The following GLTP variants were observed in gnomAD, a reference collection of about 807,000 sequenced individuals.
GLTP encodes glycolipid transfer protein.
A neutral mutation model predicts 24.0 loss-of-function variants in GLTP; 22 were observed. That is an observed-to-expected ratio of 0.92 (90% CI 0.65 to 1.31). The LOEUF (loss-of-function observed/expected upper bound fraction) is 1.31. GLTP is among the 50% of genes most tolerant of loss of function. The pLI is 0.00. For synonymous variants in GLTP, 92 were observed against 115.9 expected, an observed-to-expected ratio of 0.79 and a Z score of 1.33; for missense variants, 224 against 276.6, an observed-to-expected ratio of 0.81 and a Z score of 1.35.
At chr12:109,876,931 C>A (rs1041766154) in intron 1 of GLTP, among the ~76,000 whole-genome samples, 4 of 152,194 alleles carry the variant, frequency 2.6e-5, no homozygotes, top group African/African-American at 9.6e-5. Flanking sequence ...CAGCTCACTG[C>A]AACTTAGGCG....
intron 4 of GLTP, among the ~76,000 whole-genome samples, chr12:109,854,124 G>A (rs1208221922): frequency 4.0e-5 from 6 of 151,846 alleles, no homozygotes; most frequent in Non-Finnish European, 8.8e-5. Context: ...TTGGGAGGCC[G>A]AGGTGGGAGG....
At position 109,852,405 on chromosome 12, in the gene GLTP, A is replaced by C; in HGVS notation, c.*150T>G. ...AAAAAAAAAAAAGACTTAAAAAACG[A>C]GGGCTGTCCCCTGCAGACTCTGGCA... On this transcript the variant is annotated 3_prime_UTR_variant, in exon 5 of 5. Transcript: ENST00000318348. 2 of 519,450 alleles carry C rather than the reference A, an allele frequency of 3.9e-6. No individual in the cohort carries two copies. The highest frequency in any genetic ancestry group is 6.9e-6 in the Non-Finnish European group (2 of 290,048). The allele number at this position is 519,450 out of a possible 1,614,324, so 32.2% of individuals were successfully genotyped here.
intron 1 of GLTP, among the ~76,000 whole-genome samples, chr12:109,863,185 G>A (rs1278240486): frequency 1.3e-5 from 2 of 152,014 alleles, no homozygotes; most frequent in Admixed American, 6.6e-5. Context: ...AGGTGTATGA[G>A]TACTATTTGC....
chr12:109,872,931 A>G (rs1868768657), intron 1 of GLTP, among the ~76,000 whole-genome samples: 1 of 152,220 alleles, frequency 6.6e-6, no homozygotes, highest in African/African-American at 2.4e-5. Context: ...CAACCCGCAG[A>G]CCGCAGGCTG....
chr12:109,865,307 ATTC>A (rs1231563220), intron 1 of GLTP, among the ~76,000 whole-genome samples: 5 of 151,914 alleles, frequency 3.3e-5, no homozygotes, highest in African/African-American at 7.3e-5. Context: ...TTTTTTATTT[ATTC>A]TTCTTCTTCT....
At chr12:109,877,668 G>A (rs189119895) in intron 1 of GLTP, among the ~76,000 whole-genome samples, 52 of 152,256 alleles carry the variant, frequency 3.4e-4, no homozygotes, top group Middle Eastern at 6.8e-3. Flanking sequence ...GCTGCAAGGC[G>A]TTTCACACTC....
chr12:109,858,157 C>G, intron 2 of GLTP: 2 of 457,424 alleles, frequency 4.4e-6, no homozygotes, highest in South Asian at 3.1e-5. Context: ...TGACCTTAAG[C>G]GAGTCCTTCA....
At chr12:109,867,817 G>A (rs1364504638) in intron 1 of GLTP, among the ~76,000 whole-genome samples, 8 of 140,944 alleles carry the variant, frequency 5.7e-5, no homozygotes, top group African/African-American at 1.9e-4. Flanking sequence ...TCGCTCTGTC[G>A]CCCAGGCTGG....
intron 1 of GLTP, among the ~76,000 whole-genome samples, chr12:109,859,379 C>T (rs915831037): frequency 1.1e-4 from 16 of 152,092 alleles, no homozygotes; most frequent in Admixed American, 4.6e-4. Context: ...ATTAGCTGGG[C>T]GTGGTGGCTT....
chr12:109,855,840 T>G lies in GLTP; in HGVS notation c.297-71A>C. 1 of 1,311,036 alleles carries G rather than the reference T, an allele frequency of 7.6e-7. No homozygotes were observed. 81.2% of individuals were successfully genotyped at this position (1,311,036 alleles called of 1,614,324 possible). A position where few individuals can be genotyped will look rare whatever the true frequency, so the allele number is the denominator to read the frequency against. Reference sequence around the variant, plus strand: ...TGTCGTGAAAGACCCTGATGGACTCTGAATTTGCCACCTACTGTGAGCCAG... The same window carrying G: ...TGTCGTGAAAGACCCTGATGGACTCGGAATTTGCCACCTACTGTGAGCCAG... On this transcript the variant is annotated intron_variant, in intron 3 of 4. Transcript: ENST00000318348. This position sits in a 1 kb window ranked among gnomAD's most constrained non-coding sequence, Gnocchi z 4.1.
intron 1 of GLTP, among the ~76,000 whole-genome samples, chr12:109,861,926 T>A (rs1868377549): frequency 6.6e-6 from 1 of 152,192 alleles, no homozygotes; most frequent in Non-Finnish European, 1.5e-5. Context: ...CGAGTGGGAC[T>A]CATCCTTGAC....
At chr12:109,877,902 A>G (rs1868937067) in intron 1 of GLTP, among the ~76,000 whole-genome samples, 1 of 152,244 alleles carries the variant, frequency 6.6e-6, no homozygotes, top group Non-Finnish European at 1.5e-5. Flanking sequence ...GAAGAGAATA[A>G]TGGTTCAAAC....
At position 109,851,891 on chromosome 12, in the gene GLTP, A is replaced by G. The variant is rs1212634195; in HGVS notation, c.*664T>C. On this transcript the variant is annotated 3_prime_UTR_variant, in exon 5 of 5. Coordinates refer to ENST00000318348, the MANE Select transcript of GLTP (RefSeq NM_016433.4). ...AGACAGAGTTTCGCTCTTGTTGCCC[A>G]GGCTGGAGTGCAATGGTGCGATCTC... 1.4e-5 allele frequency: 2 copies of G among 146,752 alleles called. No individual in the cohort carries two copies. Among genetic ancestry groups the G allele is most frequent in the African/African-American group, 5.1e-5 (2 of 39,008 alleles). The allele number at this position is 146,752 out of a possible 1,614,324, so 9.1% of individuals were successfully genotyped here.
rs144730245 is a variant in GLTP, at chr12:109,857,004, A to AG, written c.296+521dup. On this transcript the variant is annotated intron_variant, in intron 3 of 4. Coordinates refer to ENST00000318348, the MANE Select transcript of GLTP (RefSeq NM_016433.4). This position sits in a 1 kb window ranked among gnomAD's most constrained non-coding sequence, Gnocchi z 4.3. ...AGCCGAGATTGTGCCACTGCACTCC[A>AG]GCCTGGGTAACAGAACGGGATTCTA... is the stretch of plus-strand genomic sequence containing the variant. Among the ~76,000 whole-genome samples, 5,695 of 152,300 alleles carry AG rather than the reference A, an allele frequency of 0.037. 253 individuals are homozygous for AG. The highest frequency in any genetic ancestry group is 0.11 in the African/African-American group (4,516 of 41,540).
In GLTP at chr12:109,857,636, G is replaced by T. The variant is rs1393205558; in HGVS notation, c.186C>A (p.Thr62=). The T allele has an allele frequency of 1.7e-5, 27 of 1,613,912 alleles. No individual in the cohort carries two copies. Among genetic ancestry groups the T allele is most frequent in the Non-Finnish European group, 2.3e-5 (27 of 1,179,940 alleles). ...GCAGGGTCCGGAACTTGGCTGGGTTGGTGTCGTACACAGCTTTGATTTTCT... is the reference window on the plus strand; with the variant it reads ...GCAGGGTCCGGAACTTGGCTGGGTTTGTGTCGTACACAGCTTTGATTTTCT... ...NITKIKAVYD[T]NPAKFRTLQN... Residue 62 remains threonine, a synonymous_variant, in exon 3 of 5, where the codon ACC becomes ACA. Transcript: ENST00000318348. This position sits in a 1 kb window ranked among gnomAD's most constrained non-coding sequence, Gnocchi z 4.3.
Position 109,857,574 on chromosome 12 carries a change from G to A in GLTP, c.248C>T (p.Ala83Val). The stretch of plus-strand genomic sequence containing the variant: ...TGTGGCCCCTACTTTGGGCCACTCT[G>A]CTCCATACATTTCTTTCTCCACCTC... ...ILEVEKEMYG[A>V]EWPKVGATLA... Residue 83 changes from alanine (A) to valine (V), a missense_variant, in exon 3 of 5, where the codon GCA becomes GTA. Physicochemically the swap from Ala to Val is moderately conservative, Grantham distance 64. Transcript: ENST00000318348. The surrounding 1 kb of genome is among the most constrained non-coding windows in gnomAD (Gnocchi z 4.3). 1 of 1,614,048 alleles carries A rather than the reference G, an allele frequency of 6.2e-7. No individual in the cohort carries two copies. Among genetic ancestry groups the A allele is most frequent in the South Asian group, 1.1e-5 (1 of 91,080 alleles).
rs1436959113 is a variant in GLTP at position 109,880,091 on chromosome 12, A to C, written c.103+181T>G. Among the ~76,000 whole-genome samples, 2 of 151,800 alleles carry C rather than the reference A, an allele frequency of 1.3e-5. No homozygotes were observed. The highest frequency in any genetic ancestry group is 3.9e-4 in the East Asian group (2 of 5,160). ...ATGTGACATGTTTAGAGCGGAGAGGACTTGGGAGTGGTCCGGGAAAGGGAG... is the reference window on the plus strand; with the variant it reads ...ATGTGACATGTTTAGAGCGGAGAGGCCTTGGGAGTGGTCCGGGAAAGGGAG... On this transcript the variant is annotated intron_variant, in intron 1 of 4. Transcript: ENST00000318348. The surrounding 1 kb of genome is among the most constrained non-coding windows in gnomAD (Gnocchi z 5.1).
Position 109,850,997 on chromosome 12 carries a change from A to C in GLTP, c.*1558T>G, listed in dbSNP as rs1370741546. 2 of 152,586 alleles carry C rather than the reference A, an allele frequency of 1.3e-5. No homozygotes were observed. The highest frequency in any genetic ancestry group is 2.9e-5 in the Non-Finnish European group (2 of 68,016). 9.5% of individuals were successfully genotyped at this position (152,586 alleles called of 1,614,324 possible). On this transcript the variant is annotated 3_prime_UTR_variant, in exon 5 of 5. Transcript: ENST00000318348. ...AAGGATTATTTAGTTTCTGCATAAA[A>C]ATCTCCAATTGTTCCTCATTGGGTT...
chr12:109,873,633 C>CAAAA (rs774803716), intron 1 of GLTP, among the ~76,000 whole-genome samples: 11 of 53,590 alleles, frequency 2.1e-4, no homozygotes, highest in East Asian at 6.0e-4. Context: ...GACTCTGTCT[C>CAAAA]AAAAAAAAAA....
Sources: gnomAD v4.1 joint callset for allele counts (sites outside exome capture counted in the v4.1 genomes callset) on GRCh38, gnomAD v4.1.1 for gene constraint, Gnocchi (gnomAD v3.1) non-coding constraint, MANE v1.5 for transcripts, NCBI Gene and HGNC (gene_info 2026-07-23, HGNC 2026-07-21) for gene names.